Variants in PAM observed in about 807,000 individuals in gnomAD.
PAM encodes the protein peptidylglycine alpha-amidating monooxygenase.
A neutral mutation model predicts 122.1 loss-of-function variants in PAM; 72 were observed. That is an observed-to-expected ratio of 0.59 (90% CI 0.49 to 0.72). The LOEUF is 0.72. Among genes scored for constraint, PAM ranks in the 30% least tolerant of loss-of-function variants. The pLI is 0.00. For missense variants in PAM, 1,106 were observed against 1,183.7 expected, an observed-to-expected ratio of 0.93 and a Z score of 0.96; for synonymous variants, 389 against 404.4, an observed-to-expected ratio of 0.96 and a Z score of 0.46.
chr5:102,998,611 T>C (rs1357113380), intron 16 of PAM, among the ~76,000 whole-genome samples: 1 of 152,174 alleles, frequency 6.6e-6, no homozygotes, highest in Non-Finnish European at 1.5e-5. Flanking sequence ...ATGAAAATAT[T>C]ATATATAGTT....
Position 102,761,271 on chromosome 5 carries a change from G to A in PAM, c.-374+5923G>A, listed in dbSNP as rs76273062. The stretch of plus-strand genomic sequence containing the variant: ...TTAAAGTACAACTTTAAATGACACC[G>A]CAGAATTAAGGAAACAATCAAAGCA... On this transcript the variant is annotated intron_variant, in intron 1 of 25. Coordinates refer to ENST00000438793, the MANE Select transcript of PAM (RefSeq NM_001177306.2). Among the ~76,000 whole-genome samples the A allele has an allele frequency of 9.3e-3, 1,419 of 152,288 alleles. 29 individuals carry two copies. Among genetic ancestry groups the A allele is most frequent in the African/African-American group, 0.032 (1,326 of 41,566 alleles).
chr5:102,778,078 C>T (rs1040630663), intron 1 of PAM, among the ~76,000 whole-genome samples: 1 of 152,012 alleles, frequency 6.6e-6, no homozygotes, highest in Admixed American at 6.5e-5. Flanking sequence ...CCTCTTGGAC[C>T]CCTGTTAGAC....
intron 1 of PAM, among the ~76,000 whole-genome samples, chr5:102,759,335 A>G (rs1017871563): frequency 6.6e-6 from 1 of 152,160 alleles, no homozygotes; most frequent in African/African-American, 2.4e-5. Flanking sequence ...AAGAGGTGGG[A>G]AGATTGAAAG....
At chr5:102,850,044 T>G (rs1278241526) in intron 1 of PAM, among the ~76,000 whole-genome samples, 1 of 152,244 alleles carries the variant, frequency 6.6e-6, no homozygotes, top group East Asian at 1.9e-4. Context: ...TGCGCCATTT[T>G]CCTTAAACTT....
intron 15 of PAM, among the ~76,000 whole-genome samples, chr5:102,977,658 G>GCA (rs10527378): frequency 0.069 from 9,863 of 142,862 alleles, 350 homozygotes; most frequent in South Asian, 0.12. Flanking sequence ...ATGCATGTGC[G>GCA]CACACACACA....
chr5:103,023,511 A>G (rs1345908179), intron 23 of PAM, among the ~76,000 whole-genome samples: 1 of 151,960 alleles, frequency 6.6e-6, no homozygotes, highest in Non-Finnish European at 1.5e-5. Flanking sequence ...CAACCAAAAA[A>G]AAAAAAAAGA....
intron 3 of PAM, among the ~76,000 whole-genome samples, chr5:102,894,458 C>T (rs753122724): frequency 1.1e-4 from 17 of 151,596 alleles, no homozygotes; most frequent in African/African-American, 3.9e-4. Flanking sequence ...ACTCCTTGGC[C>T]GCTGTTACTT....
In PAM at chr5:103,006,836, T is replaced by C. The variant is rs199969025; in HGVS notation, c.1839T>C (p.Pro613=). The change falls in exon 19 of 26, where the codon CCT becomes CCC. Residue 613 remains proline (P), a synonymous_variant. Coordinates refer to ENST00000438793, the MANE Select transcript of PAM (RefSeq NM_001177306.2). ...TGGATCCAAACAATAAAGAAGGCCC[T>C]GTATTAATCCTGGGAAGGAGCATGC... The part of the protein sequence containing the change: ...FKLDPNNKEG[P]VLILGRSMQP... 2.7e-5 allele frequency: 44 copies of C among 1,613,480 alleles called. No homozygotes were observed. Among genetic ancestry groups the C allele is most frequent in the Admixed American group, 1.0e-4 (6 of 59,988 alleles).
At chr5:102,788,712 A>C (rs974370038) in intron 1 of PAM, among the ~76,000 whole-genome samples, 3 of 152,146 alleles carry the variant, frequency 2.0e-5, no homozygotes, top group African/African-American at 7.2e-5. Flanking sequence ...GATGATATGA[A>C]GTTAAATATT....
In PAM at chr5:103,017,424, T is replaced by A; in HGVS notation, c.2422T>A (p.Leu808Met). Residue 808 changes from leucine to methionine, a missense_variant, in exon 22 of 26, where the codon TTG (leucine) becomes ATG (methionine). Physicochemically the swap from Leu to Met is conservative, Grantham distance 15. Around this residue, in one of 3 missense-constraint regions of PAM, gnomAD observed 333 missense variants for 335.6 expected, o/e 0.99. Coordinates refer to ENST00000438793, the MANE Select transcript of PAM (RefSeq NM_001177306.2). ...AHTNTVWKFT[L>M]TEKLEHRSVK... Reference sequence around the variant, plus strand: ...TACCAACACCGTGTGGAAGTTCACCTTGACTGAGAGTATGGTTTTCACAGT... The same window carrying A: ...TACCAACACCGTGTGGAAGTTCACCATGACTGAGAGTATGGTTTTCACAGT... The A allele has an allele frequency of 6.3e-7, 1 of 1,584,702 alleles. No homozygotes were observed. The highest frequency in any genetic ancestry group is 8.7e-7 in the Non-Finnish European group (1 of 1,153,278).
chr5:102,913,956 C>G lies in PAM; in HGVS notation c.291C>G (p.Ser97Arg). Reference sequence around the variant, plus strand: ...CAGTTGACTTCAAGCCTCGAGCCAGCATGGATACTGTCCATCACATGTTAC... The same window carrying G: ...CAGTTGACTTCAAGCCTCGAGCCAGGATGGATACTGTCCATCACATGTTAC... ...AFVIDFKPRA[S>R]MDTVHHMLLF... Residue 97 changes from serine (S) to arginine (R), a missense_variant, in exon 5 of 26, where the codon AGC (serine) becomes AGG (arginine). This residue lies in a region of PAM where 670 missense variants were observed against 690.3 expected (regional missense o/e 0.97). Transcript: ENST00000438793. The G allele has an allele frequency of 2.5e-6, 4 of 1,605,196 alleles. No individual in the cohort carries two copies. The highest frequency in any genetic ancestry group is 3.4e-6 in the Non-Finnish European group (4 of 1,172,188).
chr5:102,867,286 A>G lies in PAM; in HGVS notation c.103A>G (p.Thr35Ala), dbSNP rs764225314. ...CTCTTTTTTAAGGTTTAAAGAAACT[A>G]CCAGACCATTTTCCAATGAATGTCT... ...LSVFKRFKET[T>A]RPFSNECLGT... The change falls in exon 3 of 26, where the codon ACC becomes GCC. Residue 35 changes from threonine to alanine, a missense_variant. By Grantham distance (58) the Thr-to-Ala change is moderately conservative (BLOSUM62 0). Coordinates refer to ENST00000438793, the MANE Select transcript of PAM (RefSeq NM_001177306.2). The G allele has an allele frequency of 1.2e-6, 2 of 1,603,252 alleles. No homozygotes were observed. The highest frequency in any genetic ancestry group is 2.2e-5 in the South Asian group (2 of 90,776).
At chr5:102,906,586 C>T (rs766794800) in intron 4 of PAM, among the ~76,000 whole-genome samples, 1 of 151,696 alleles carries the variant, frequency 6.6e-6, no homozygotes, top group Non-Finnish European at 1.5e-5. Context: ...AGCTATACTA[C>T]TAGGGGACAA....
intron 1 of PAM, among the ~76,000 whole-genome samples, chr5:102,773,565 A>G (rs1264831272): frequency 1.3e-5 from 2 of 152,102 alleles, no homozygotes; most frequent in East Asian, 3.9e-4. Flanking sequence ...TAAAAAATGT[A>G]AAAAAACATT....
At position 102,897,239 on chromosome 5, in the gene PAM, G is replaced by C. The variant is rs142738846; in HGVS notation, c.211-4117G>C. Among the ~76,000 whole-genome samples, 630 of 151,568 alleles carry C rather than the reference G, an allele frequency of 4.2e-3. 8 individuals are homozygous for C. Among genetic ancestry groups the C allele is most frequent in the African/African-American group, 0.014 (594 of 41,434 alleles). On this transcript the variant is annotated intron_variant, in intron 3 of 25. Transcript: ENST00000438793. ...ATATGTGGAAACGTAGGACTTTAGG[G>C]TTCCTTACCAGTTTGTCTGGGTTGG...
intron 1 of PAM, among the ~76,000 whole-genome samples, chr5:102,835,476 AT>A (rs1313141973): frequency 9.9e-5 from 15 of 152,096 alleles, no homozygotes; most frequent in African/African-American, 2.4e-5. Flanking sequence ...AAACAGGAAC[AT>A]TTTCTCCTTT....
intron 5 of PAM, among the ~76,000 whole-genome samples, chr5:102,919,082 C>T (rs894449606): frequency 2.0e-5 from 3 of 151,998 alleles, no homozygotes; most frequent in Non-Finnish European, 4.4e-5. Flanking sequence ...CTATTTCCAG[C>T]TGTTCTAACT....
chr5:102,803,198 G>C (rs1036574017), intron 1 of PAM, among the ~76,000 whole-genome samples: 1 of 27,466 alleles, frequency 3.6e-5, no homozygotes. Flanking sequence ...AGGAAGGAAG[G>C]AAGGAAGGAA....
At chr5:102,984,760 C>T (rs998350718) in intron 15 of PAM, among the ~76,000 whole-genome samples, 1 of 152,150 alleles carries the variant, frequency 6.6e-6, no homozygotes, top group African/African-American at 2.4e-5. Context: ...AACATTTTAT[C>T]TAACAGCTGG....
Sources: gnomAD v4.1 joint callset for allele counts (sites outside exome capture counted in the v4.1 genomes callset) on GRCh38, gnomAD v4.1.1 for gene constraint, gnomAD v4.1.1 regional missense constraint, MANE v1.5 for transcripts, NCBI Gene and HGNC (gene_info 2026-07-23, HGNC 2026-07-21) for gene names.